The following IMMP2L variants were observed in gnomAD, a reference collection of about 807,000 sequenced individuals.
The protein encoded by IMMP2L is mitochondrial inner membrane protease subunit 2.
IMMP2L carries 18 observed loss-of-function variants against 19.3 expected under a neutral mutation model. That is an observed-to-expected ratio of 0.93 (90% CI 0.64 to 1.38). The LOEUF is 1.38. IMMP2L is among the 40% of genes most tolerant of loss of function. The pLI is 0.00. For missense variants in IMMP2L, 233 were observed against 218.2 expected, an observed-to-expected ratio of 1.07 and a Z score of -0.43; for synonymous variants, 76 against 73.0, an observed-to-expected ratio of 1.04 and a Z score of -0.21.
chr7:111,518,344 AAAAGACTAGTATT>A (rs1846047849), intron 2 of IMMP2L, among the ~76,000 whole-genome samples: 1 of 152,134 alleles, frequency 6.6e-6, no homozygotes, highest in Admixed American at 6.6e-5. Flanking sequence ...CAATAAACCC[AAAAGACTAGTATT>A]ACACCTCCCT....
At chr7:110,839,619 C>T (rs751734795) in intron 5 of IMMP2L, among the ~76,000 whole-genome samples, 13 of 152,074 alleles carry the variant, frequency 8.5e-5, no homozygotes, top group African/African-American at 2.2e-4. Flanking sequence ...AATGCTTAAA[C>T]GTGTGCACAT....
intron 3 of IMMP2L, among the ~76,000 whole-genome samples, chr7:111,176,200 C>G (rs938643925): frequency 4.6e-5 from 7 of 151,950 alleles, no homozygotes; most frequent in African/African-American, 1.7e-4. Context: ...CTATGTAGAA[C>G]AGTTTGAAGG....
chr7:111,072,533 C>T (rs990052618), intron 3 of IMMP2L, among the ~76,000 whole-genome samples: 10 of 149,178 alleles, frequency 6.7e-5, no homozygotes, highest in African/African-American at 2.3e-4. Flanking sequence ...AAATAAAAGA[C>T]ATTCCACAAA....
chr7:111,022,016 A>G (rs1161220280), intron 3 of IMMP2L, among the ~76,000 whole-genome samples: 1 of 152,330 alleles, frequency 6.6e-6, no homozygotes, highest in East Asian at 1.9e-4. Context: ...GCTACAATTT[A>G]ACATGAGATT....
intron 3 of IMMP2L, among the ~76,000 whole-genome samples, chr7:110,976,193 T>C (rs1218208581): frequency 6.6e-6 from 1 of 152,074 alleles, no homozygotes; most frequent in Non-Finnish European, 1.5e-5. Context: ...GACCATAAGA[T>C]GATATGAAGG....
At chr7:111,241,073 CTTAGTTACTGTT>C (rs1254338366) in intron 3 of IMMP2L, among the ~76,000 whole-genome samples, 1 of 151,862 alleles carries the variant, frequency 6.6e-6, no homozygotes, top group African/African-American at 2.4e-5. Context: ...ATAACAGTAA[CTTAGTTACTGTT>C]CGAATGGTAA....
At chr7:111,483,819 C>G (rs1842396864) in intron 3 of IMMP2L, 1 of 152,002 alleles carries the variant, frequency 6.6e-6, no homozygotes, top group South Asian at 2.1e-4. Flanking sequence ...TAATTTTTTT[C>G]CCAGATGATT....
rs1057417815 is a variant in IMMP2L at position 111,003,448 on chromosome 7, G to T, written c.240-39883C>A. On this transcript the variant is annotated intron_variant, in intron 3 of 5. Coordinates refer to ENST00000405709, the MANE Select transcript of IMMP2L (RefSeq NM_032549.4). ...ACCTTCTGATTATCTAAACTACAAA[G>T]TACTACACGAATAAAAATTGTAATT... 3.3e-5 allele frequency among the ~76,000 whole-genome samples: 5 copies of T among 151,976 alleles called. No individual in the cohort carries two copies. In the East Asian group the frequency reaches 9.7e-4, roughly 29 times the overall value.
intron 3 of IMMP2L, among the ~76,000 whole-genome samples, chr7:111,227,996 T>C (rs1813289979): frequency 6.6e-6 from 1 of 152,130 alleles, no homozygotes; most frequent in Non-Finnish European, 1.5e-5. Context: ...TTCGACAGCA[T>C]GTAGTGATTT....
intron 3 of IMMP2L, among the ~76,000 whole-genome samples, chr7:111,110,605 T>C (rs1432541173): frequency 3.3e-5 from 5 of 152,224 alleles, no homozygotes; most frequent in East Asian, 3.9e-4. Flanking sequence ...AGAATATATA[T>C]AAAAACATAA....
chr7:111,408,737 C>CAGCT (rs1246035406), intron 3 of IMMP2L, among the ~76,000 whole-genome samples: 1 of 151,716 alleles, frequency 6.6e-6, no homozygotes, highest in Non-Finnish European at 1.5e-5. Context: ...CTAGAAAAGA[C>CAGCT]AGCTGATAAC....
chr7:111,039,590 C>T (rs996715111), intron 3 of IMMP2L, among the ~76,000 whole-genome samples: 5 of 152,102 alleles, frequency 3.3e-5, no homozygotes, highest in African/African-American at 9.7e-5. Flanking sequence ...GAGCTCTCCC[C>T]CCTTTGTATT....
chr7:110,919,921 A>T (rs1814071164), intron 4 of IMMP2L, among the ~76,000 whole-genome samples: 1 of 152,100 alleles, frequency 6.6e-6, no homozygotes, highest in Non-Finnish European at 1.5e-5. Context: ...CAGCTTGGCT[A>T]GAATAAAGCA....
chr7:110,725,311 T>G (rs961236482), intron 5 of IMMP2L, among the ~76,000 whole-genome samples: 1 of 152,188 alleles, frequency 6.6e-6, no homozygotes, highest in East Asian at 1.9e-4. Flanking sequence ...CTAAATATTT[T>G]GCTTTTTACT....
At chr7:111,172,443 CAG>C (rs1282269317) in intron 3 of IMMP2L, among the ~76,000 whole-genome samples, 1 of 151,414 alleles carries the variant, frequency 6.6e-6, no homozygotes. Context: ...AATGATCAAA[CAG>C]GGTATTCAGC....
chr7:110,953,564 A>T (rs1818051310), intron 4 of IMMP2L, among the ~76,000 whole-genome samples: 1 of 152,040 alleles, frequency 6.6e-6, no homozygotes, highest in African/African-American at 2.4e-5. Context: ...AATTCAGTCT[A>T]TCATTGATGG....
intron 5 of IMMP2L, among the ~76,000 whole-genome samples, chr7:110,865,741 T>G (rs1403075064): frequency 6.6e-6 from 1 of 152,062 alleles, no homozygotes; most frequent in Non-Finnish European, 1.5e-5. Context: ...TATTCATTAA[T>G]CAAGCAGCAT....
Position 110,803,630 on chromosome 7 carries a change from T to A in IMMP2L, c.408+82963A>T, listed in dbSNP as rs984851172. 1.3e-5 allele frequency among the ~76,000 whole-genome samples: 2 copies of A among 151,898 alleles called. No homozygotes were observed. The highest frequency in any genetic ancestry group is 2.4e-5 in the African/African-American group (1 of 41,384). ...TCCTACCTCTGCTGTGGTTAGTCAT[T>A]GGATGGGGGGAGCTCCAGAAATGGG... is the stretch of plus-strand genomic sequence containing the variant. On this transcript the variant is annotated intron_variant, in intron 5 of 5. Transcript: ENST00000405709. This position sits in a 1 kb window ranked among gnomAD's most constrained non-coding sequence, Gnocchi z 4.2.
intron 3 of IMMP2L, among the ~76,000 whole-genome samples, chr7:111,105,613 A>G (rs1447517407): frequency 2.0e-5 from 3 of 151,842 alleles, no homozygotes; most frequent in Non-Finnish European, 4.4e-5. Context: ...TAAGAAACAA[A>G]TACAACATGT....
Sources: gnomAD v4.1 joint callset for allele counts (sites outside exome capture counted in the v4.1 genomes callset) on GRCh38, gnomAD v4.1.1 for gene constraint, Gnocchi (gnomAD v3.1) non-coding constraint, MANE v1.5 for transcripts, NCBI Gene and HGNC (gene_info 2026-07-23, HGNC 2026-07-21) for gene names.